Variants in SIDT1 observed in about 807,000 individuals in gnomAD.
SIDT1 encodes the protein SID1 transmembrane family, member 1.
Under a neutral mutation model 107.5 loss-of-function variants are expected in SIDT1, and 101 were observed. That is an observed-to-expected ratio of 0.94 (90% confidence interval 0.80 to 1.11). The LOEUF (loss-of-function observed/expected upper bound fraction) is 1.11. SIDT1 is among the 50% of genes least tolerant of loss of function. The probability of loss-of-function intolerance (pLI) is 0.00; values close to 1 mark genes in which losing one functional copy is unlikely to be tolerated. For synonymous variants in SIDT1, 395 were observed against 398.2 expected, an observed-to-expected ratio of 0.99 and a Z score of 0.10; for missense variants, 1,076 against 1,058.2, an observed-to-expected ratio of 1.02 and a Z score of -0.23.
At chr3:113,570,569 A>G (rs761574754) in intron 3 of SIDT1, among the ~76,000 whole-genome samples, 11 of 152,248 alleles carry the variant, frequency 7.2e-5, no homozygotes, top group African/African-American at 9.6e-5. Flanking sequence ...CTATTCCCTC[A>G]TGTTGCTTTC....
intron 10 of SIDT1, among the ~76,000 whole-genome samples, chr3:113,594,440 T>G (rs1320245528): frequency 6.6e-6 from 1 of 152,226 alleles, no homozygotes; most frequent in African/African-American, 2.4e-5. Flanking sequence ...GTGATTAGTT[T>G]AGGCCTAGTT....
intron 9 of SIDT1, among the ~76,000 whole-genome samples, chr3:113,587,643 T>C (rs1943841355): frequency 6.6e-6 from 1 of 152,244 alleles, no homozygotes; most frequent in African/African-American, 2.4e-5. Context: ...GCAGGCGCTC[T>C]AAGTAGATTA....
chr3:113,541,934 T>C (rs2107600127), intron 1 of SIDT1, among the ~76,000 whole-genome samples: 1 of 150,992 alleles, frequency 6.6e-6, no homozygotes, highest in South Asian at 2.1e-4. Flanking sequence ...TCTTTTTTTT[T>C]TTTTTTTTAG....
At chr3:113,602,491 T>TGGGAAC (rs920352870) in intron 11 of SIDT1, 2 of 152,306 alleles carry the variant, frequency 1.3e-5, no homozygotes, top group African/African-American at 4.8e-5. Flanking sequence ...GAAACATTCA[T>TGGGAAC]GGGAACAGAA....
intron 14 of SIDT1, chr3:113,606,750 T>C (rs1945361232): frequency 3.5e-6 from 1 of 288,590 alleles, no homozygotes; most frequent in African/African-American, 2.1e-5. Flanking sequence ...CATTCTTTCG[T>C]AGTCCTTTTA....
At chr3:113,624,767 C>A (rs1418077786) in intron 23 of SIDT1, among the ~76,000 whole-genome samples, 1 of 152,116 alleles carries the variant, frequency 6.6e-6, no homozygotes, top group Non-Finnish European at 1.5e-5. Context: ...CTAGCTGCCT[C>A]ATATGAGTGA....
chr3:113,563,824 A>G (rs1279932207), intron 1 of SIDT1, among the ~76,000 whole-genome samples: 1 of 152,250 alleles, frequency 6.6e-6, no homozygotes, highest in African/African-American at 2.4e-5. Context: ...TATTAATTTT[A>G]TCAAGTGGCA....
At chr3:113,610,770 GT>G (rs1945676953) in intron 17 of SIDT1, among the ~76,000 whole-genome samples, 1 of 152,276 alleles carries the variant, frequency 6.6e-6, no homozygotes, top group African/African-American at 2.4e-5. Context: ...TATATCAGAT[GT>G]TTTTCTTCTG....
intron 19 of SIDT1, among the ~76,000 whole-genome samples, chr3:113,614,610 T>C (rs1381413352): frequency 1.3e-5 from 2 of 152,210 alleles, no homozygotes; most frequent in East Asian, 3.9e-4. Context: ...GTCCTTTCTC[T>C]GTGGCCCCTC....
At chr3:113,603,225 A>T in intron 12 of SIDT1, 75 bp downstream of exon 12, 1 of 1,448,572 alleles carries the variant, frequency 6.9e-7, no homozygotes, top group Non-Finnish European at 9.4e-7. Flanking sequence ...GCAATACCTC[A>T]GTTTCCTTTA....
At chr3:113,566,231 G>C (rs1941890893) in intron 1 of SIDT1, among the ~76,000 whole-genome samples, 189 bp from the exon 2 acceptor site, 1 of 152,170 alleles carries the variant, frequency 6.6e-6, no homozygotes, top group East Asian at 1.9e-4. Flanking sequence ...TATGAATGAG[G>C]AGAAACAACT....
chr3:113,580,554 A>G (rs1576836859), intron 4 of SIDT1, 54 bp from the exon 5 acceptor site: 1 of 1,155,088 alleles, frequency 8.7e-7, no homozygotes, highest in East Asian at 2.3e-5. Context: ...ATAGTAGAGG[A>G]AACAATCCCA....
intron 6 of SIDT1, among the ~76,000 whole-genome samples, chr3:113,582,041 A>T (rs753114534): frequency 2.6e-5 from 4 of 152,184 alleles, no homozygotes; most frequent in Non-Finnish European, 5.9e-5. Flanking sequence ...TTTAGGGTGA[A>T]GTTTGTCAGA....
At chr3:113,593,994 G>C (rs2614194) in intron 10 of SIDT1, among the ~76,000 whole-genome samples, 6 of 152,114 alleles carry the variant, frequency 3.9e-5, no homozygotes, top group African/African-American at 1.4e-4. Context: ...AGTGCTCATA[G>C]GTTATTTGGC....
intron 1 of SIDT1, among the ~76,000 whole-genome samples, chr3:113,556,244 A>G (rs1191168698): frequency 1.3e-5 from 2 of 152,246 alleles, no homozygotes; most frequent in African/African-American, 2.4e-5. Flanking sequence ...GACCACAGGA[A>G]TTTTTAAACA....
At chr3:113,570,999 A>T (rs1446514149) in intron 3 of SIDT1, among the ~76,000 whole-genome samples, 1 of 152,236 alleles carries the variant, frequency 6.6e-6, no homozygotes, top group Non-Finnish European at 1.5e-5. Context: ...ACTAAATTGT[A>T]CTTCTGACTC....
chr3:113,580,688 T>C lies in SIDT1; in HGVS notation c.642T>C (p.Val214=), dbSNP rs749694934. 2 of 1,611,702 alleles carry C rather than the reference T, an allele frequency of 1.2e-6. No homozygotes were observed. The highest frequency in any genetic ancestry group is 8.5e-7 in the Non-Finnish European group (1 of 1,177,814). ...CTGAAATGGCTTATCCATGTTCTGT[T>C]GTCTCAGTCCAGAATATCATGGTGA... The part of the protein sequence containing the change: ...VVSEMAYPCS[V]VSVQNIMCPV... Residue 214 remains valine, a synonymous_variant, in exon 5 of 25, where the codon GTT becomes GTC. Coordinates refer to ENST00000264852, the MANE Select transcript of SIDT1 (RefSeq NM_017699.3).
intron 1 of SIDT1, among the ~76,000 whole-genome samples, chr3:113,560,245 A>G (rs1198069166): frequency 6.6e-6 from 1 of 152,214 alleles, no homozygotes; most frequent in Non-Finnish European, 1.5e-5. Context: ...CCCAACTTGT[A>G]GGAAGCCTGT....
chr3:113,611,063 C>T lies in SIDT1; in HGVS notation c.1776C>T (p.Thr592=), dbSNP rs866319645. Residue 592 remains threonine (T), a synonymous_variant, in exon 18 of 25, where the codon ACC becomes ACT. Coordinates refer to ENST00000264852, the MANE Select transcript of SIDT1 (RefSeq NM_017699.3). ...TGTGCATGCTGAAGCTCTATCAGAC[C>T]CGCCACCCAGACATCAATGCCAGCG... ...AGLCMLKLYQ[T]RHPDINASAY... The T allele has an allele frequency of 2.5e-6, 4 of 1,613,956 alleles. No individual in the cohort carries two copies. The highest frequency in any genetic ancestry group is 1.6e-4 in the Middle Eastern group (1 of 6,084).
Sources: gnomAD v4.1 joint callset for allele counts (sites outside exome capture counted in the v4.1 genomes callset) on GRCh38, gnomAD v4.1.1 for gene constraint, MANE v1.5 for transcripts, NCBI Gene and HGNC (gene_info 2026-07-23, HGNC 2026-07-21) for gene names.